OSTC: variants seen among roughly 807,000 people sequenced by gnomAD.
The protein encoded by OSTC is oligosaccharyltransferase complex subunit OSTC.
Under a neutral mutation model 16.4 loss-of-function variants are expected in OSTC, and 16 were observed. That is an observed-to-expected ratio of 0.98 (90% CI 0.66 to 1.49). The LOEUF (loss-of-function observed/expected upper bound fraction) is 1.49, where lower values mean the gene tolerates loss of function less well. OSTC is among the 40% of genes most tolerant of loss of function. The pLI is 0.00. For synonymous variants in OSTC, 67 were observed against 68.5 expected, an observed-to-expected ratio of 0.98 and a Z score of 0.11; for missense variants, 139 against 186.3, an observed-to-expected ratio of 0.75 and a Z score of 1.48.
rs563321010 is a variant in OSTC, at chr4:108,650,782, C to T, written c.127C>T (p.Leu43Phe). ...VYALVVVSYF[L>F]ITGGIIYDVI... ...TGCTCTGGTGGTGGTGTCTTACTTC[C>T]TCATCACCGGAGGTAACTCGGGCTG... Residue 43 changes from leucine to phenylalanine, a missense_variant, in exon 1 of 4, where the codon CTC (leucine) becomes TTC (phenylalanine). Coordinates refer to ENST00000361564, the MANE Select transcript of OSTC (RefSeq NM_021227.4). The T allele has an allele frequency of 6.2e-7, 1 of 1,614,160 alleles. No homozygotes were observed. The highest frequency in any genetic ancestry group is 1.1e-5 in the South Asian group (1 of 91,086).
chr4:108,663,773 A>C (rs1288051942), intron 3 of OSTC, among the ~76,000 whole-genome samples: 1 of 152,220 alleles, frequency 6.6e-6, no homozygotes, highest in Non-Finnish European at 1.5e-5. Flanking sequence ...AGCTTCTATT[A>C]GTGCTAACCT....
chr4:108,653,095 C>T (rs1379994567), intron 1 of OSTC, among the ~76,000 whole-genome samples: 1 of 152,100 alleles, frequency 6.6e-6, no homozygotes, highest in Admixed American at 6.5e-5. Context: ...GCCTGTAGTC[C>T]CAAGTAGCTG....
chr4:108,663,423 G>A, intron 3 of OSTC: 1 of 319,148 alleles, frequency 3.1e-6, no homozygotes, highest in Non-Finnish European at 6.1e-6. Flanking sequence ...GTGTTAGCCA[G>A]TGATCTCCTA....
chr4:108,650,952 C>T (rs1032552653), intron 1 of OSTC, 158 bp downstream of exon 1: 3 of 1,047,194 alleles, frequency 2.9e-6, no homozygotes, highest in South Asian at 1.6e-5. Context: ...GAAGTGTTAA[C>T]GTCCAAGTTT....
intron 3 of OSTC, among the ~76,000 whole-genome samples, chr4:108,664,237 G>GT (rs1722239821): frequency 1.3e-5 from 2 of 149,212 alleles, no homozygotes; most frequent in Non-Finnish European, 2.9e-5. Context: ...CTAAATATAG[G>GT]TTGACAAGCA....
At chr4:108,662,195 G>A (rs1222917918) in intron 3 of OSTC, among the ~76,000 whole-genome samples, 1 of 152,128 alleles carries the variant, frequency 6.6e-6, no homozygotes, top group Non-Finnish European at 1.5e-5. Flanking sequence ...CATGGGATCA[G>A]TTCAGAAAAC....
At chr4:108,660,870 C>G (rs1325074988) in intron 3 of OSTC, among the ~76,000 whole-genome samples, 3 of 152,146 alleles carry the variant, frequency 2.0e-5, no homozygotes, top group Non-Finnish European at 2.9e-5. Context: ...TATAATTTTA[C>G]TAATTAAAAC....
intron 2 of OSTC, among the ~76,000 whole-genome samples, chr4:108,655,923 G>A (rs1726687308): frequency 6.6e-6 from 1 of 152,074 alleles, no homozygotes; most frequent in African/African-American, 2.4e-5. Context: ...TTGTTCTGGG[G>A]GTCAGTGAAC....
chr4:108,657,514 G>T lies in OSTC; in HGVS notation c.298G>T (p.Gly100Cys), dbSNP rs773868105. The T allele has an allele frequency of 4.3e-6, 7 of 1,613,572 alleles. No homozygotes were observed. The highest frequency in any genetic ancestry group is 5.9e-6 in the Non-Finnish European group (7 of 1,179,690). Residue 100 changes from glycine to cysteine, a missense_variant, in exon 3 of 4, where the codon GGT becomes TGT. Coordinates refer to ENST00000361564, the MANE Select transcript of OSTC (RefSeq NM_021227.4). ...CTTCCTATTTACAATGGGAGGTTTAGGTTTCATAATCCTGGACCGATCGAA... is the reference window on the plus strand; with the variant it reads ...CTTCCTATTTACAATGGGAGGTTTATGTTTCATAATCCTGGACCGATCGAA... Reference protein sequence around the residue: ...SSFLFTMGGLGFIILDRSNAP... With the variant: ...SSFLFTMGGLCFIILDRSNAP...
At chr4:108,661,659 G>A (rs1043338928) in intron 3 of OSTC, among the ~76,000 whole-genome samples, 4 of 152,004 alleles carry the variant, frequency 2.6e-5, no homozygotes, top group African/African-American at 4.8e-5. Flanking sequence ...GTGCAATGGC[G>A]CGGTCTCGGC....
chr4:108,659,872 T>C (rs1446195772), intron 3 of OSTC, among the ~76,000 whole-genome samples: 1 of 152,224 alleles, frequency 6.6e-6, no homozygotes, highest in East Asian at 1.9e-4. Context: ...GCTTATAGAA[T>C]CAAATATGTT....
rs70949037 is a variant in OSTC at position 108,657,917 on chromosome 4, C to CTTTTTTTTTT, written c.431+291_431+300dup. On this transcript the variant is annotated intron_variant, in intron 3 of 3. Coordinates refer to ENST00000361564, the MANE Select transcript of OSTC (RefSeq NM_021227.4). ...CAATGACTGAAGATAGTCATTGTTTCTTTTTTTTTTTTTTTTTTTTTTTTT... is the reference window on the plus strand; with the variant it reads ...CAATGACTGAAGATAGTCATTGTTTCTTTTTTTTTTTTTTTTTTTTTTTTTTTTTTTTTTT... Among the ~76,000 whole-genome samples the CTTTTTTTTTT allele has an allele frequency of 2.4e-4, 16 of 67,202 alleles. 1 individual carries two copies. The highest frequency in any genetic ancestry group is 4.9e-4 in the African/African-American group (8 of 16,264). The allele number at this position is 67,202 out of a possible 152,430, so 44.1% of individuals were successfully genotyped here.
At chr4:108,655,054 C>G (rs1219503565) in intron 1 of OSTC, among the ~76,000 whole-genome samples, 1 of 152,210 alleles carries the variant, frequency 6.6e-6, no homozygotes, top group Admixed American at 6.5e-5. Flanking sequence ...AGATATCATA[C>G]AGTTTTCAAA....
intron 3 of OSTC, among the ~76,000 whole-genome samples, chr4:108,666,856 T>C (rs1294926142): frequency 4.6e-5 from 7 of 151,176 alleles, no homozygotes; most frequent in Non-Finnish European, 2.9e-5. Context: ...AATACAAAAG[T>C]TAGCCAGGTG....
intron 3 of OSTC, among the ~76,000 whole-genome samples, chr4:108,662,907 G>A (rs1726893943): frequency 1.3e-5 from 2 of 152,216 alleles, no homozygotes; most frequent in Non-Finnish European, 2.9e-5. Flanking sequence ...AGCTGCTGAG[G>A]ACAATGTGTA....
intron 2 of OSTC, among the ~76,000 whole-genome samples, chr4:108,656,563 G>T (rs1726706608): frequency 7.5e-6 from 1 of 132,830 alleles, no homozygotes; most frequent in East Asian, 2.3e-4. Context: ...TTTGATAAAA[G>T]CTCTGTATCC....
intron 3 of OSTC, among the ~76,000 whole-genome samples, chr4:108,660,853 C>T (rs1726838538): frequency 6.6e-6 from 1 of 152,124 alleles, no homozygotes; most frequent in Non-Finnish European, 1.5e-5. Context: ...GATGTTTCCC[C>T]TATTGATATA....
chr4:108,662,571 A>C (rs1392503983), intron 3 of OSTC, among the ~76,000 whole-genome samples: 1 of 152,164 alleles, frequency 6.6e-6, no homozygotes, highest in Non-Finnish European at 1.5e-5. Flanking sequence ...ATCAGTATAT[A>C]CCTATTGTAA....
chr4:108,659,728 C>G (rs1261124946), intron 3 of OSTC, among the ~76,000 whole-genome samples: 1 of 152,006 alleles, frequency 6.6e-6, no homozygotes. Context: ...AAGATCGTGC[C>G]ACTGCACTCC....
Sources: gnomAD v4.1 joint callset for allele counts (sites outside exome capture counted in the v4.1 genomes callset) on GRCh38, gnomAD v4.1.1 for gene constraint, MANE v1.5 for transcripts, NCBI Gene and HGNC (gene_info 2026-07-23, HGNC 2026-07-21) for gene names.